Variants in HUWE1 observed in about 807,000 individuals in gnomAD.
HUWE1 encodes the protein E3 ubiquitin-protein ligase HUWE1.
In HUWE1, 18 loss-of-function variants were observed where a neutral mutation model predicts 299.4. The ratio of observed to expected loss-of-function variants is 0.06; its 90% CI spans 0.04 to 0.09. HUWE1 has a LOEUF of 0.09. Among genes scored for constraint, HUWE1 ranks in the 10% least tolerant of loss-of-function variants. The probability of loss-of-function intolerance (pLI) is 1.00; values close to 1 mark genes in which losing one functional copy is unlikely to be tolerated. For synonymous variants in HUWE1, 1,317 were observed against 1,286.1 expected, an observed-to-expected ratio of 1.02 and a Z score of -0.51; for missense variants, 1,832 against 3,462.3, an observed-to-expected ratio of 0.53 and a Z score of 11.82.
rs918223545 is a variant in HUWE1, at chrX:53,532,949, T to C, written c.*360A>G. ...TATATATATATAATTTTTTCCCCTA[T>C]CCAAAGGTTTCAAGTCTCAATGCAG... On this transcript the variant is annotated 3_prime_UTR_variant, in exon 84 of 84. Transcript: ENST00000262854. 7.2e-5 allele frequency: 9 copies of C among 125,515 alleles called. No individual in the cohort carries two copies. Among genetic ancestry groups the C allele is most frequent in the Non-Finnish European group, 1.4e-4 (9 of 62,823 alleles). 10.3% of individuals were successfully genotyped at this position (125,515 alleles called of 1,213,427 possible).
intron 51 of HUWE1, among the ~76,000 whole-genome samples, chrX:53,564,116 G>A (rs1388066154): frequency 8.9e-6 from 1 of 111,774 alleles, no homozygotes; most frequent in Non-Finnish European, 1.9e-5. Context: ...AGGACCACAG[G>A]CCCAATTTCT....
At chrX:53,637,321 A>G (rs782621332) in intron 7 of HUWE1, among the ~76,000 whole-genome samples, 1 of 112,370 alleles carries the variant, frequency 8.9e-6, no homozygotes, top group African/African-American at 3.2e-5. Flanking sequence ...ACTTCATTAC[A>G]TTTTCAATAT....
At chrX:53,578,672 G>A (rs2063367683) in intron 43 of HUWE1, among the ~76,000 whole-genome samples, 1 of 88,780 alleles carries the variant, frequency 1.1e-5, no homozygotes, top group East Asian at 3.9e-4. Flanking sequence ...CATCCGGGAG[G>A]GAGGTGGGGG....
At chrX:53,643,671 T>C (rs1461551405) in intron 7 of HUWE1, among the ~76,000 whole-genome samples, 2 of 111,649 alleles carry the variant, frequency 1.8e-5, no homozygotes, top group East Asian at 5.6e-4. Flanking sequence ...ATTTTCTAAT[T>C]GGTTGCTATT....
intron 6 of HUWE1, 50 bp downstream of exon 6, chrX:53,647,318 G>T: frequency 1.1e-6 from 1 of 890,178 alleles, no homozygotes; most frequent in Non-Finnish European, 1.7e-6. Context: ...ATTTCTGGAT[G>T]TACACAATTC....
intron 3 of HUWE1, among the ~76,000 whole-genome samples, chrX:53,675,352 T>C (rs2069764174): frequency 8.9e-6 from 1 of 111,968 alleles, no homozygotes; most frequent in Non-Finnish European, 1.9e-5. Flanking sequence ...TTACCCTGTA[T>C]TAATAGAAGA....
intron 11 of HUWE1, 56 bp downstream of exon 11, chrX:53,631,358 A>AT: frequency 1.1e-6 from 1 of 935,883 alleles, no homozygotes; most frequent in Non-Finnish European, 1.5e-6. Flanking sequence ...AGTACATATC[A>AT]TTAATCTATT....
In HUWE1 at chrX:53,542,467, T is replaced by C; in HGVS notation, c.11452A>G (p.Ser3818Gly). ...CCAATGGATTGAGTATCTTGAGCAC[T>C]GGGAGATGGCTGGTCCACATCCATG... Reference protein sequence around the residue: ...SPMDVDQPSPSAQDTQSIASD... With the variant: ...SPMDVDQPSPGAQDTQSIASD... The change falls in exon 74 of 84, where the codon AGT becomes GGT. Residue 3818 changes from serine to glycine, a missense_variant. Around this residue, in one of 15 missense-constraint regions of HUWE1, gnomAD observed 27 missense variants for 21.1 expected, o/e 1.28. Transcript: ENST00000262854. 8.3e-7 allele frequency: 1 copy of C among 1,199,385 alleles called. No individual in the cohort carries two copies. Among genetic ancestry groups the C allele is most frequent in the Non-Finnish European group, 1.1e-6 (1 of 884,190 alleles).
intron 25 of HUWE1, among the ~76,000 whole-genome samples, chrX:53,605,578 T>C (rs1431098555): frequency 8.9e-6 from 1 of 112,619 alleles, no homozygotes; most frequent in Non-Finnish European, 1.9e-5. Context: ...TACTTATCAC[T>C]CTGCAGCCCA....
intron 68 of HUWE1, among the ~76,000 whole-genome samples, chrX:53,547,265 C>T (rs2061578709): frequency 8.9e-6 from 1 of 112,179 alleles, no homozygotes; most frequent in African/African-American, 3.2e-5. Flanking sequence ...TACTCTGAAT[C>T]ACACTGTATC....
At chrX:53,592,268 G>A in intron 33 of HUWE1, 130 bp downstream of exon 33, 1 of 539,725 alleles carries the variant, frequency 1.9e-6, no homozygotes, top group South Asian at 2.5e-5. Context: ...CTAAGAGAAG[G>A]AGGAAATCTA....
chrX:53,644,964 G>A (rs1338569440), intron 7 of HUWE1, among the ~76,000 whole-genome samples: 4 of 111,871 alleles, frequency 3.6e-5, no homozygotes, highest in Admixed American at 1.9e-4. Flanking sequence ...AACCAGTGTC[G>A]GCGCTAGTAA....
At chrX:53,587,127 C>A (rs1556974020) in intron 37 of HUWE1, among the ~76,000 whole-genome samples, 1 of 111,939 alleles carries the variant, frequency 8.9e-6, no homozygotes, top group Non-Finnish European at 1.9e-5. Flanking sequence ...ATAATTTTTA[C>A]CTGCAGAATA....
intron 12 of HUWE1, among the ~76,000 whole-genome samples, chrX:53,630,045 C>T (rs1294198814): frequency 8.9e-6 from 1 of 112,219 alleles, no homozygotes; most frequent in Admixed American, 9.4e-5. Context: ...TTGTGTGACA[C>T]TGTAGTAAAA....
intron 39 of HUWE1, 132 bp downstream of exon 39, chrX:53,586,358 A>G: frequency 4.1e-6 from 2 of 483,215 alleles, no homozygotes; most frequent in Non-Finnish European, 7.3e-6. Context: ...CCTAGCTATG[A>G]AAATCCCTTA....
chrX:53,550,807 G>T, intron 65 of HUWE1, 39 bp from the exon 66 acceptor site: 1 of 1,189,401 alleles, frequency 8.4e-7, no homozygotes, highest in Non-Finnish European at 1.1e-6. Flanking sequence ...TTGTGGAGAG[G>T]GTGTAAACTG....
At chrX:53,642,002 A>G (rs1557031545) in intron 7 of HUWE1, among the ~76,000 whole-genome samples, 1 of 111,592 alleles carries the variant, frequency 9.0e-6, no homozygotes. Flanking sequence ...CAAACCCTAT[A>G]TAATACACCC....
chrX:53,557,630 A>G (rs1213820860), intron 59 of HUWE1, among the ~76,000 whole-genome samples: 4 of 111,624 alleles, frequency 3.6e-5, no homozygotes, highest in Non-Finnish European at 7.5e-5. Context: ...CAGGTTCAAG[A>G]ATTGTTTGGG....
intron 55 of HUWE1, among the ~76,000 whole-genome samples, chrX:53,560,723 T>C (rs1025658388): frequency 6.3e-5 from 7 of 111,858 alleles, no homozygotes; most frequent in African/African-American, 2.3e-4. Context: ...AAGACTCCTC[T>C]CCCGCTTCTT....
Sources: gnomAD v4.1 joint callset for allele counts (sites outside exome capture counted in the v4.1 genomes callset) on GRCh38, gnomAD v4.1.1 for gene constraint, gnomAD v4.1.1 regional missense constraint, MANE v1.5 for transcripts, NCBI Gene and HGNC (gene_info 2026-07-23, HGNC 2026-07-21) for gene names.